Variants in RNLS observed in about 807,000 individuals in gnomAD.
RNLS encodes the protein renalase.
Under a neutral mutation model 39.8 loss-of-function variants are expected in RNLS, and 39 were observed. The observed-to-expected ratio is 0.98, with a 90% CI of 0.76 to 1.28. RNLS has a LOEUF of 1.28. Ranked by LOEUF, RNLS falls within the 50% of genes most tolerant of loss-of-function variation. The pLI is 0.00. For synonymous variants in RNLS, 147 were observed against 150.7 expected (o/e 0.98, Z 0.18); for missense variants, 410 against 413.3 (o/e 0.99, Z 0.07).
chr10:88,418,492 A>G (rs1854178101), intron 4 of RNLS, among the ~76,000 whole-genome samples: 1 of 152,194 alleles, frequency 6.6e-6, no homozygotes, highest in Admixed American at 6.5e-5. Context: ...TACTTCTTTC[A>G]TTATGATGTT....
In RNLS at chr10:88,452,865, T is replaced by C. The variant is rs139980207; in HGVS notation, c.527-90140A>G. On this transcript the variant is annotated intron_variant, in intron 4 of 6. Coordinates refer to ENST00000331772, the MANE Select transcript of RNLS (RefSeq NM_001031709.3). ...CAAGTAATTCGGTGTCTCTTGGTAC[T>C]CTCTTGCTCAATTTTGATGATAAAA... Among the ~76,000 whole-genome samples the C allele has an allele frequency of 2.9e-3, 444 of 152,294 alleles. 7 individuals carry two copies. The South Asian group carries it at 0.04, about 14-fold the overall frequency.
At chr10:88,444,257 G>A (rs1246286570) in intron 4 of RNLS, among the ~76,000 whole-genome samples, 1 of 152,146 alleles carries the variant, frequency 6.6e-6, no homozygotes, top group Admixed American at 6.5e-5. Flanking sequence ...TGCAGCTGAG[G>A]GTCCTGACTG....
At chr10:88,533,203 T>A (rs865800816) in intron 4 of RNLS, among the ~76,000 whole-genome samples, 6 of 152,162 alleles carry the variant, frequency 3.9e-5, no homozygotes, top group Admixed American at 3.9e-4. Flanking sequence ...GTCAATTCTC[T>A]TATTCTTATT....
chr10:88,524,081 C>T (rs1183622118), intron 4 of RNLS, among the ~76,000 whole-genome samples: 5 of 151,928 alleles, frequency 3.3e-5, no homozygotes, highest in Middle Eastern at 3.2e-3. Context: ...TCTATCTTCT[C>T]GTAATTTTTG....
chr10:88,293,491 G>A (rs1052743595), intron 6 of RNLS, among the ~76,000 whole-genome samples: 1 of 152,118 alleles, frequency 6.6e-6, no homozygotes, highest in African/African-American at 2.4e-5. Context: ...TAAGAATTCT[G>A]AGCTTTTTCA....
intron 4 of RNLS, among the ~76,000 whole-genome samples, chr10:88,422,487 G>T (rs947562829): frequency 1.3e-5 from 2 of 152,134 alleles, no homozygotes; most frequent in African/African-American, 4.8e-5. Flanking sequence ...ATGAAACAGG[G>T]TATGCTGCTT....
At chr10:88,262,902 T>C in the RNLS span, among the ~76,000 whole-genome samples, 3 of 152,134 alleles carry the variant, frequency 2.0e-5, no homozygotes, top group Non-Finnish European at 4.4e-5. Flanking sequence ...TTCTCGCCTC[T>C]ATGGAGTCTG....
intron 4 of RNLS, among the ~76,000 whole-genome samples, chr10:88,418,183 T>C (rs983212679): frequency 6.6e-6 from 1 of 152,076 alleles, no homozygotes; most frequent in African/African-American, 2.4e-5. Flanking sequence ...TTTTACTGCA[T>C]GCCTATATGT....
chr10:88,318,263 CACCCT>C (rs1845914438), intron 5 of RNLS, among the ~76,000 whole-genome samples: 1 of 152,196 alleles, frequency 6.6e-6, no homozygotes, highest in Non-Finnish European at 1.5e-5. Flanking sequence ...CTGGAGATCT[CACCCT>C]TGGTGGGCTG....
In RNLS at chr10:88,278,032, T is replaced by C. The variant is rs188244021; in HGVS notation, c.877-3000A>G. Among the ~76,000 whole-genome samples the C allele has an allele frequency of 1.3e-3, 195 of 152,322 alleles. 1 individual carries two copies. Among genetic ancestry groups the C allele is most frequent in the African/African-American group, 4.5e-3 (188 of 41,576 alleles). ...TTTTATTGTTTCAACTATTAACATT[T>C]CTTAGTATGAATAGTTAAAATGGTT... is the stretch of plus-strand genomic sequence containing the variant. On this transcript the variant is annotated intron_variant, in intron 6 of 6. Coordinates refer to the RNLS transcript ENST00000371947.
intron 4 of RNLS, among the ~76,000 whole-genome samples, chr10:88,553,785 C>T (rs1003874716): frequency 7.2e-5 from 11 of 152,090 alleles, no homozygotes; most frequent in African/African-American, 1.9e-4. Context: ...CCTCTATGTA[C>T]GCTAAAGAAA....
intron 5 of RNLS, among the ~76,000 whole-genome samples, chr10:88,330,114 C>CTA (rs1311468117): frequency 6.8e-6 from 1 of 146,876 alleles, no homozygotes; most frequent in Non-Finnish European, 1.5e-5. Flanking sequence ...TATACACACA[C>CTA]TATATATATA....
chr10:88,416,846 C>A (rs146245779), intron 4 of RNLS, among the ~76,000 whole-genome samples: 2 of 152,284 alleles, frequency 1.3e-5, no homozygotes, highest in Admixed American at 6.5e-5. Context: ...TGACTGAATT[C>A]TTGGAAACCC....
intron 5 of RNLS, among the ~76,000 whole-genome samples, chr10:88,354,549 C>T (rs1012426609): frequency 6.6e-6 from 1 of 152,162 alleles, no homozygotes; most frequent in African/African-American, 2.4e-5. Context: ...TTGGCCCCCC[C>T]TCTCTTCTGG....
intron 4 of RNLS, among the ~76,000 whole-genome samples, chr10:88,466,299 C>T (rs567434615): frequency 1.1e-4 from 17 of 152,012 alleles, no homozygotes; most frequent in South Asian, 2.1e-4. Context: ...TCATGAGGGC[C>T]GGGGATAGTA....
the RNLS span, among the ~76,000 whole-genome samples, chr10:88,235,536 A>G: frequency 4.6e-5 from 7 of 152,146 alleles, no homozygotes; most frequent in African/African-American, 1.7e-4. Flanking sequence ...ATTTTTCTGG[A>G]TAATATTATC....
chr10:88,242,975 A>AAACCAACC, the RNLS span, among the ~76,000 whole-genome samples: 7 of 144,524 alleles, frequency 4.8e-5, no homozygotes, highest in African/African-American at 1.8e-4. Flanking sequence ...ACAAACAAAC[A>AAACCAACC]AACCCATAAG....
intron 4 of RNLS, among the ~76,000 whole-genome samples, chr10:88,374,624 T>C (rs1489393786): frequency 6.6e-6 from 1 of 152,114 alleles, no homozygotes; most frequent in Non-Finnish European, 1.5e-5. Flanking sequence ...GTCATTCCAT[T>C]ATTTAAAGAA....
chr10:88,227,826 C>T, the RNLS span, among the ~76,000 whole-genome samples: 12 of 152,208 alleles, frequency 7.9e-5, no homozygotes, highest in Non-Finnish European at 1.8e-4. Context: ...TCATTGCATG[C>T]ATGGTTATTT....
Sources: gnomAD v4.1 joint callset for allele counts (sites outside exome capture counted in the v4.1 genomes callset) on GRCh38, gnomAD v4.1.1 for gene constraint, MANE v1.5 for transcripts, NCBI Gene and HGNC (gene_info 2026-07-23, HGNC 2026-07-21) for gene names.